The following TGM3 variants were observed in gnomAD, a reference collection of about 807,000 sequenced individuals.
TGM3 encodes the protein protein-glutamine gamma-glutamyltransferase E.
Under a neutral mutation model 73.8 loss-of-function variants are expected in TGM3, and 52 were observed. The observed-to-expected ratio is 0.70, with a 90% CI of 0.56 to 0.89. The LOEUF (loss-of-function observed/expected upper bound fraction) is 0.89, where lower values mean the gene tolerates loss of function less well. Ranked by LOEUF, TGM3 falls within the 40% of genes least tolerant of loss-of-function variation. The pLI, the probability that TGM3 is intolerant of heterozygous loss-of-function variation, is 0.00. For missense variants in TGM3, 928 were observed against 909.9 expected, an observed-to-expected ratio of 1.02 and a Z score of -0.26; for synonymous variants, 372 against 354.9, an observed-to-expected ratio of 1.05 and a Z score of -0.54.
At chr20:2,310,071 G>A in intron 2 of TGM3, 107 bp from the exon 3 acceptor site, 1 of 1,510,846 alleles carries the variant, frequency 6.6e-7, no homozygotes, top group Non-Finnish European at 9.0e-7. Context: ...GTAGAATATG[G>A]CGCTTCATTG....
At position 2,332,531 on chromosome 20, in the gene TGM3, G is replaced by A. The variant is rs180908876; in HGVS notation, c.1642+221G>A. Among the ~76,000 whole-genome samples, 58 of 152,258 alleles carry A rather than the reference G, an allele frequency of 3.8e-4. No individual in the cohort carries two copies. The East Asian group carries it at 6.6e-3, about 17-fold the overall frequency. The stretch of plus-strand genomic sequence containing the variant: ...GTGGTGCCAACCAAAATCCTTTTAC[G>A]CCCCAAGGGAGGAAGGAGGGAGGCT... On this transcript the variant is annotated intron_variant, in intron 10 of 12. Transcript: ENST00000381458. This position sits in a 1 kb window ranked among gnomAD's most constrained non-coding sequence, Gnocchi z 4.4.
Position 2,340,454 on chromosome 20 carries a change from A to T in TGM3, c.1955A>T (p.Lys652Met). Residue 652 changes from lysine to methionine, a missense_variant, in exon 13 of 13, where the codon AAG (lysine) becomes ATG (methionine). Physicochemically the swap from Lys to Met is moderately conservative, Grantham distance 95. Coordinates refer to ENST00000381458, the MANE Select transcript of TGM3 (RefSeq NM_003245.4). Reference sequence around the variant, plus strand: ...ATCAGCGTGCCGACCCTAGGGCCCAAGGAGGGGTCCCGGGTCCGTTTTGAT... The same window carrying T: ...ATCAGCGTGCCGACCCTAGGGCCCATGGAGGGGTCCCGGGTCCGTTTTGAT... ...LKIDVPTLGPKEGSRVRFDIL... is the reference protein window; with the variant it reads ...LKIDVPTLGPMEGSRVRFDIL... 6.2e-7 allele frequency: 1 copy of T among 1,614,030 alleles called. No homozygotes were observed. The highest frequency in any genetic ancestry group is 1.1e-5 in the South Asian group (1 of 91,074).
rs1248106318 is a variant in TGM3, at chr20:2,337,715, G to A, written c.1801-2139G>A. Among the ~76,000 whole-genome samples, 8 of 150,038 alleles carry A rather than the reference G, an allele frequency of 5.3e-5. No individual in the cohort carries two copies. The East Asian group carries it at 7.8e-4, about 15-fold the overall frequency. ...AGCCTGGCTGACAGAGTGAGACTCCGTCAAAAAAAAAAAAAATTAGTGTTT... is the reference window on the plus strand; with the variant it reads ...AGCCTGGCTGACAGAGTGAGACTCCATCAAAAAAAAAAAAAATTAGTGTTT... On this transcript the variant is annotated intron_variant, in intron 11 of 12. Transcript: ENST00000381458.
At chr20:2,335,313 C>T (rs754732255) in intron 11 of TGM3, 40 bp downstream of exon 11, 2 of 1,609,284 alleles carry the variant, frequency 1.2e-6, no homozygotes, top group South Asian at 2.2e-5. Context: ...GGTTCTGCCC[C>T]CAGCCAGCCC....
chr20:2,319,868 C>T (rs969855237), intron 7 of TGM3, among the ~76,000 whole-genome samples: 4 of 152,216 alleles, frequency 2.6e-5, no homozygotes, highest in Non-Finnish European at 4.4e-5. Context: ...GTGAGGCTTG[C>T]GCAAGGCAAT....
Position 2,311,110 on chromosome 20 carries a change from T to G in TGM3, c.521T>G (p.Ile174Ser). 6.2e-7 allele frequency: 1 copy of G among 1,614,052 alleles called. No individual in the cohort carries two copies. Among genetic ancestry groups the G allele is most frequent in the Non-Finnish European group, 8.5e-7 (1 of 1,179,968 alleles). Reference sequence around the variant, plus strand: ...GGAAGCACAAACCGAATTGGCATGATTGGCTGGAACTTTGGACAGGTAAAA... The same window carrying G: ...GGAAGCACAAACCGAATTGGCATGAGTGGCTGGAACTTTGGACAGGTAAAA... ...FVGSTNRIGM[I>S]GWNFGQFEED... The change falls in exon 4 of 13, where the codon ATT becomes AGT. Residue 174 changes from isoleucine (I) to serine (S), a missense_variant. By Grantham distance (142) the Ile-to-Ser change is moderately radical. Transcript: ENST00000381458.
rs772526693 is a variant in TGM3, at chr20:2,317,395, A to G, written c.893A>G (p.Asn298Ser). ...CCTTCCCGGGTGATCACCAACTTCA[A>G]CTCAGCTCATGACACAGACCGAAAT... ...GIPSRVITNF[N>S]SAHDTDRNLS... Residue 298 changes from asparagine to serine, a missense_variant, in exon 7 of 13, where the codon AAC becomes AGC. Transcript: ENST00000381458. 3.1e-6 allele frequency: 5 copies of G among 1,614,004 alleles called. No homozygotes were observed. The African/African-American group carries it at 6.7e-5, about 22-fold the overall frequency.
At chr20:2,306,415 A>G (rs954006750) in intron 1 of TGM3, among the ~76,000 whole-genome samples, 1 of 150,046 alleles carries the variant, frequency 6.7e-6, no homozygotes, top group Non-Finnish European at 1.5e-5. Context: ...TCCTAAAAAT[A>G]TATATTTCCA....
intron 10 of TGM3, among the ~76,000 whole-genome samples, chr20:2,333,241 T>A (rs2084330511): frequency 6.6e-6 from 1 of 152,146 alleles, no homozygotes; most frequent in South Asian, 2.1e-4. Context: ...AACTGAGAGG[T>A]GTCACACCTG....
chr20:2,317,583 A>C, intron 7 of TGM3, 98 bp downstream of exon 7: 1 of 1,516,246 alleles, frequency 6.6e-7, no homozygotes, highest in Non-Finnish European at 9.0e-7. Context: ...CAGGTGTTGC[A>C]AGGCAAGTAA....
chr20:2,303,155 G>C (rs1178286702), intron 1 of TGM3, among the ~76,000 whole-genome samples: 2 of 152,080 alleles, frequency 1.3e-5, no homozygotes, highest in Non-Finnish European at 2.9e-5. Flanking sequence ...AAAAAAATTA[G>C]CCGGGCGTGG....
intron 1 of TGM3, among the ~76,000 whole-genome samples, chr20:2,309,235 C>A (rs1305655975): frequency 2.0e-5 from 3 of 152,194 alleles, no homozygotes; most frequent in Non-Finnish European, 4.4e-5. Flanking sequence ...ATGCTGAAAG[C>A]AGACAGAACG....
At position 2,317,135 on chromosome 20, in the gene TGM3, A is replaced by G; in HGVS notation, c.737A>G (p.Asp246Gly). 6.2e-7 allele frequency: 1 copy of G among 1,613,978 alleles called. No homozygotes were observed. The highest frequency in any genetic ancestry group is 1.7e-5 in the Admixed American group (1 of 60,000). The change falls in exon 6 of 13, where the codon GAC (aspartate) becomes GGC (glycine). Residue 246 changes from aspartate (D) to glycine (G), a missense_variant. Transcript: ENST00000381458. ...AGCGGCACTTACACCGGTGGCCGGG[A>G]CCCAAGGAGCTGGAACGGCAGCGTG... ...NWSGTYTGGR[D>G]PRSWNGSVEI...
Position 2,335,220 on chromosome 20 carries a change from G to A in TGM3, c.1747G>A (p.Glu583Lys). 6.2e-7 allele frequency: 1 copy of A among 1,614,230 alleles called. No individual in the cohort carries two copies. Among genetic ancestry groups the A allele is most frequent in the South Asian group, 1.1e-5 (1 of 91,088 alleles). Reference protein sequence around the residue: ...TAVCKVPDESEVVVERDIILD... With the variant: ...TAVCKVPDESKVVVERDIILD... ...GGTGTGCAAGGTCCCAGATGAGTCT[G>A]AGGTGGTGGTGGAGCGGGACATCAT... Residue 583 changes from glutamate to lysine, a missense_variant, in exon 11 of 13, where the codon GAG becomes AAG. Physicochemically the swap from Glu to Lys is moderately conservative, Grantham distance 56. Coordinates refer to ENST00000381458, the MANE Select transcript of TGM3 (RefSeq NM_003245.4).
chr20:2,298,699 G>A (rs912541084), intron 1 of TGM3, among the ~76,000 whole-genome samples: 9 of 152,288 alleles, frequency 5.9e-5, no homozygotes, highest in Middle Eastern at 3.4e-3. Context: ...CCATGGAAGC[G>A]GTCAGGAATT....
At chr20:2,340,035 G>GGGGGGGGGGGGGGGGGGGC in intron 12 of TGM3, 48 bp downstream of exon 12, 2 of 1,429,524 alleles carry the variant, frequency 1.4e-6, no homozygotes, top group Non-Finnish European at 1.9e-6. Context: ...GGAGGGGGCG[G>GGGGGGGGGGGGGGGGGGGC]GGGGGCCCTC....
In TGM3 at chr20:2,317,434, T is replaced by A; in HGVS notation, c.932T>A (p.Val311Glu). 6.2e-7 allele frequency: 1 copy of A among 1,614,276 alleles called. No homozygotes were observed. Among genetic ancestry groups the A allele is most frequent in the Non-Finnish European group, 8.5e-7 (1 of 1,180,046 alleles). ...HDTDRNLSVD[V>E]YYDPMGNPLD... ...ACAGACCGAAATCTCAGTGTGGATG[T>A]GTACTACGACCCCATGGGAAACCCC... Residue 311 changes from valine (V) to glutamate (E), a missense_variant, in exon 7 of 13, where the codon GTG becomes GAG. Transcript: ENST00000381458.
intron 1 of TGM3, among the ~76,000 whole-genome samples, chr20:2,300,144 T>A (rs214779): frequency 0.98 from 145,744 of 148,296 alleles, 71,616 homozygotes; most frequent in East Asian, 1. Flanking sequence ...AAGAAAGGAA[T>A]GGAGGGAGGG....
chr20:2,321,326 G>A (rs886599887), intron 7 of TGM3, among the ~76,000 whole-genome samples: 8 of 152,202 alleles, frequency 5.3e-5, no homozygotes, highest in Non-Finnish European at 1.0e-4. Flanking sequence ...CAATTATGGA[G>A]TAGCAATGAA....
Sources: allele counts gnomAD v4.1 joint callset (sites outside exome capture counted in the v4.1 genomes callset), GRCh38; gene constraint gnomAD v4.1.1; non-coding constraint Gnocchi (gnomAD v3.1); transcripts MANE v1.5; gene names NCBI Gene and HGNC (gene_info 2026-07-23, HGNC 2026-07-21).